The following ROBO2 variants were observed in gnomAD, a reference collection of about 807,000 sequenced individuals.
ROBO2 encodes roundabout homolog 2.
A neutral mutation model predicts 160.8 loss-of-function variants in ROBO2; 53 were observed. The observed-to-expected ratio is 0.33, with a 90% CI of 0.26 to 0.41. The LOEUF (loss-of-function observed/expected upper bound fraction) is 0.41. ROBO2 is among the 10% of genes least tolerant of loss of function. The pLI is 1.00. For synonymous variants in ROBO2, 664 were observed against 611.7 expected, an observed-to-expected ratio of 1.09 and a Z score of -1.26; for missense variants, 1,577 against 1,722.4, an observed-to-expected ratio of 0.92 and a Z score of 1.49.
In ROBO2 at chr3:76,980,510, A is replaced by G. The variant is rs762132157; in HGVS notation, c.110-117504A>G. The stretch of plus-strand genomic sequence containing the variant: ...GGAGATTCAAAATAGCATACCACAG[A>G]TTATATTAATGGGATAACATCAATA... On this transcript the variant is annotated intron_variant, in intron 2 of 26. Transcript: ENST00000487694. Among the ~76,000 whole-genome samples the G allele has an allele frequency of 1.3e-5, 2 of 152,346 alleles. 1 individual carries two copies. The highest frequency in any genetic ancestry group is 6.8e-3 in the Middle Eastern group (2 of 294).
chr3:77,334,085 C>T (rs2153445639), intron 2 of ROBO2, among the ~76,000 whole-genome samples: 1 of 152,312 alleles, frequency 6.6e-6, no homozygotes, highest in East Asian at 1.9e-4. Flanking sequence ...AGGTACTTCT[C>T]TCCTAATGCC....
chr3:76,823,465 G>T (rs1373865245), intron 2 of ROBO2, among the ~76,000 whole-genome samples: 1 of 152,112 alleles, frequency 6.6e-6, no homozygotes, highest in Admixed American at 6.6e-5. Flanking sequence ...TAAAACAAAT[G>T]CATATCTAGG....
At chr3:76,478,718 C>T (rs1367584848) in intron 2 of ROBO2, among the ~76,000 whole-genome samples, 49 of 142,128 alleles carry the variant, frequency 3.4e-4, no homozygotes, top group Non-Finnish European at 9.0e-5. Context: ...TGCTCACTCT[C>T]TCAGCTCGGC....
chr3:76,997,462 T>C (rs1243789535), intron 2 of ROBO2, among the ~76,000 whole-genome samples: 2 of 152,200 alleles, frequency 1.3e-5, no homozygotes, highest in Non-Finnish European at 2.9e-5. Flanking sequence ...TGCTCACTAA[T>C]TGACAGCATG....
chr3:77,396,991 A>G (rs903721242), intron 2 of ROBO2, among the ~76,000 whole-genome samples: 2 of 152,120 alleles, frequency 1.3e-5, no homozygotes, highest in Admixed American at 6.6e-5. Context: ...TATATGTTAA[A>G]ATTTTCAGAT....
At chr3:77,460,435 GGCAT>G (rs1206192782) in intron 2 of ROBO2, among the ~76,000 whole-genome samples, 3 of 152,088 alleles carry the variant, frequency 2.0e-5, no homozygotes, top group Non-Finnish European at 2.9e-5. Flanking sequence ...TCAGGCTGGA[GGCAT>G]GCATTTTGGG....
intron 2 of ROBO2, among the ~76,000 whole-genome samples, chr3:76,581,768 A>G (rs1054087643): frequency 1.3e-5 from 2 of 152,354 alleles, no homozygotes; most frequent in Non-Finnish European, 2.9e-5. Flanking sequence ...CAAAGTCATT[A>G]TAGACACTTC....
intron 2 of ROBO2, among the ~76,000 whole-genome samples, chr3:76,555,418 A>AGG (rs1553799554): frequency 5.0e-5 from 4 of 80,098 alleles, no homozygotes; most frequent in Admixed American, 1.5e-4. Context: ...GAAGAAGAAG[A>AGG]AAGAAGGAGA....
At chr3:76,902,861 T>C (rs2075329948) in intron 2 of ROBO2, among the ~76,000 whole-genome samples, 1 of 151,958 alleles carries the variant, frequency 6.6e-6, no homozygotes, top group Non-Finnish European at 1.5e-5. Context: ...TCTTATTTCA[T>C]TAATAACACA....
rs1222058179 is a variant in ROBO2 at position 76,304,747 on chromosome 3, C to CTTCTTTCTTTCT, written c.109+367186_109+367197dup. On this transcript the variant is annotated intron_variant, in intron 2 of 26. Transcript: ENST00000487694. ...TTCTTTCTTTCTTTTCTTTTCTTTC[C>CTTCTTTCTTTCT]TTCTTTCTTTCTTTCTTTCTTTCTT... Among the ~76,000 whole-genome samples, 910 of 101,566 alleles carry CTTCTTTCTTTCT rather than the reference C, an allele frequency of 9.0e-3. 7 individuals are homozygous for CTTCTTTCTTTCT. The highest frequency in any genetic ancestry group is 0.011 in the Admixed American group (115 of 10,334). The allele number at this position is 101,566 out of a possible 152,430, so 66.6% of individuals were successfully genotyped here. A position where few individuals can be genotyped will look rare whatever the true frequency, so the allele number is the denominator to read the frequency against.
chr3:76,697,992 G>A (rs925090218), intron 2 of ROBO2, among the ~76,000 whole-genome samples: 1 of 152,256 alleles, frequency 6.6e-6, no homozygotes, highest in Non-Finnish European at 1.5e-5. Flanking sequence ...TAGAATGCCT[G>A]TAGAAGCTCT....
chr3:76,277,985 G>A (rs1708025722), intron 2 of ROBO2, among the ~76,000 whole-genome samples: 2 of 150,392 alleles, frequency 1.3e-5, no homozygotes, highest in South Asian at 4.2e-4. Context: ...GCCTGGTTTT[G>A]TGCAGTCCTT....
At chr3:76,990,598 C>T (rs1005591730) in intron 2 of ROBO2, among the ~76,000 whole-genome samples, 2 of 152,124 alleles carry the variant, frequency 1.3e-5, no homozygotes, top group African/African-American at 2.4e-5. Context: ...CCCCAACACA[C>T]GCCAAGAATG....
At chr3:77,173,384 A>G (rs1451525605) in intron 2 of ROBO2, among the ~76,000 whole-genome samples, 1 of 152,100 alleles carries the variant, frequency 6.6e-6, no homozygotes, top group Non-Finnish European at 1.5e-5. Flanking sequence ...TTTTTCAAAA[A>G]AACAATTTAG....
At chr3:76,780,546 T>A (rs1338008919) in intron 2 of ROBO2, among the ~76,000 whole-genome samples, 1 of 150,868 alleles carries the variant, frequency 6.6e-6, no homozygotes, top group African/African-American at 2.4e-5. Context: ...TGTTTTCCTC[T>A]AAGAATTTTA....
At chr3:75,935,338 G>A (rs1418099089) in intron 1 of ROBO2, among the ~76,000 whole-genome samples, 3 of 152,000 alleles carry the variant, frequency 2.0e-5, no homozygotes, top group Non-Finnish European at 4.4e-5. Flanking sequence ...AAGCAACATA[G>A]TGGGACCCTA....
rs566868588 is a variant in ROBO2, at chr3:76,668,257, G to A, written c.110-429757G>A. Among the ~76,000 whole-genome samples the A allele has an allele frequency of 5.8e-4, 81 of 139,400 alleles. 1 individual carries two copies. The South Asian group carries it at 0.012, about 21-fold the overall frequency. 91.5% of individuals were successfully genotyped at this position (139,400 alleles called of 152,430 possible). A position where few individuals can be genotyped will look rare whatever the true frequency, so the allele number is the denominator to read the frequency against. ...TGGGACTATAGGAATGTGCTACCAC[G>A]CCCAGCTATTAAAAAAAAATTGTAG... On this transcript the variant is annotated intron_variant, in intron 2 of 26. Transcript: ENST00000487694.
intron 2 of ROBO2, among the ~76,000 whole-genome samples, chr3:76,391,153 G>T (rs2077131014): frequency 6.6e-6 from 1 of 151,914 alleles, no homozygotes; most frequent in Non-Finnish European, 1.5e-5. Flanking sequence ...TGACTTAATT[G>T]TAGATTCTCA....
chr3:76,766,163 T>A (rs1298451158), intron 2 of ROBO2, among the ~76,000 whole-genome samples: 2 of 151,666 alleles, frequency 1.3e-5, no homozygotes, highest in Admixed American at 1.3e-4. Flanking sequence ...ACACAAGCAC[T>A]TGAACCCAAG....
Sources: allele counts gnomAD v4.1 joint callset (sites outside exome capture counted in the v4.1 genomes callset), GRCh38; gene constraint gnomAD v4.1.1; transcripts MANE v1.5; gene names NCBI Gene and HGNC (gene_info 2026-07-23, HGNC 2026-07-21).